The following KIF26B variants were observed in gnomAD, a reference collection of about 807,000 sequenced individuals.
The protein encoded by KIF26B is kinesin family member 26B.
KIF26B carries 63 observed loss-of-function variants against 151.2 expected under a neutral mutation model. The observed-to-expected ratio is 0.42, with a 90% CI of 0.34 to 0.51. The LOEUF (loss-of-function observed/expected upper bound fraction) is 0.51. Among genes scored for constraint, KIF26B ranks in the 20% least tolerant of loss-of-function variants. The pLI, the probability that KIF26B is intolerant of heterozygous loss-of-function variation, is 0.07. For synonymous variants in KIF26B, 1,357 were observed against 1,262.1 expected, an observed-to-expected ratio of 1.08 and a Z score of -1.59; for missense variants, 2,813 against 2,913.6, an observed-to-expected ratio of 0.97 and a Z score of 0.79.
At chr1:245,655,657 A>T (rs933294635) in intron 10 of KIF26B, among the ~76,000 whole-genome samples, 2 of 152,226 alleles carry the variant, frequency 1.3e-5, no homozygotes, top group Non-Finnish European at 2.9e-5. Flanking sequence ...CTGCACCCCC[A>T]GTTGTATCTG....
intron 5 of KIF26B, among the ~76,000 whole-genome samples, chr1:245,550,305 G>A (rs1266849784): frequency 6.6e-6 from 1 of 152,188 alleles, no homozygotes; most frequent in Admixed American, 6.5e-5. Context: ...CGCTGAAATC[G>A]GTGATGGTAA....
At chr1:245,598,053 C>T (rs1312380923) in intron 5 of KIF26B, among the ~76,000 whole-genome samples, 2 of 152,080 alleles carry the variant, frequency 1.3e-5, no homozygotes, top group African/African-American at 2.4e-5. Context: ...AGGTTCTTAG[C>T]TTCCTTGTAT....
chr1:245,283,304 G>A (rs377104317), intron 2 of KIF26B, among the ~76,000 whole-genome samples: 8 of 147,656 alleles, frequency 5.4e-5, no homozygotes, highest in African/African-American at 1.8e-4. Flanking sequence ...CCCAATCCGC[G>A]CAAGCCCAAC....
chr1:245,340,706 G>A lies in KIF26B; in HGVS notation c.466-26128G>A, dbSNP rs1426198704. Among the ~76,000 whole-genome samples the A allele has an allele frequency of 2.6e-5, 4 of 152,186 alleles. No individual in the cohort carries two copies. In the East Asian group the frequency reaches 7.7e-4, roughly 29 times the overall value. On this transcript the variant is annotated intron_variant, in intron 2 of 14. Transcript: ENST00000407071. ...CGGGTTTATATTCCAATGAAGATAA[G>A]AGGCATTCAACAACTCTTTATCTAA...
At chr1:245,226,466 T>G (rs905254392) in intron 2 of KIF26B, among the ~76,000 whole-genome samples, 2 of 152,026 alleles carry the variant, frequency 1.3e-5, no homozygotes, top group African/African-American at 4.8e-5. Context: ...CTCTTTTTTT[T>G]TTTGTTTTTT....
intron 10 of KIF26B, among the ~76,000 whole-genome samples, chr1:245,675,780 T>A (rs976572792): frequency 3.9e-5 from 6 of 152,214 alleles, no homozygotes; most frequent in South Asian, 2.1e-4. Flanking sequence ...GGTAACATGA[T>A]AGAAGCACAT....
At chr1:245,621,535 A>C (rs1228719738) in intron 9 of KIF26B, among the ~76,000 whole-genome samples, 1 of 152,194 alleles carries the variant, frequency 6.6e-6, no homozygotes, top group Non-Finnish European at 1.5e-5. Context: ...CTAGACTTAA[A>C]ATATTGCATA....
At chr1:245,380,181 T>C (rs1025882069) in intron 3 of KIF26B, among the ~76,000 whole-genome samples, 17 of 152,172 alleles carry the variant, frequency 1.1e-4, no homozygotes, top group African/African-American at 4.1e-4. Flanking sequence ...AGAAGCATAT[T>C]AGTCACTAAT....
chr1:245,643,919 G>T (rs570303100), intron 9 of KIF26B, among the ~76,000 whole-genome samples: 3 of 152,134 alleles, frequency 2.0e-5, no homozygotes, highest in African/African-American at 7.2e-5. Context: ...CTCTTTTCAA[G>T]ATTTTTCTTT....
At chr1:245,308,477 C>T (rs1053764798) in intron 2 of KIF26B, among the ~76,000 whole-genome samples, 1 of 152,154 alleles carries the variant, frequency 6.6e-6, no homozygotes, top group Non-Finnish European at 1.5e-5. Flanking sequence ...TGCATGGATA[C>T]CTGCCTTGCT....
Position 245,226,342 on chromosome 1 carries a change from C to T in KIF26B, c.465+69659C>T, listed in dbSNP as rs922902271. Reference sequence around the variant, plus strand: ...CTGTGCATTGTCTTATTCCCTTGTCCCAGCAGAGACTGAACGCTAAGTCTT... The same window carrying T: ...CTGTGCATTGTCTTATTCCCTTGTCTCAGCAGAGACTGAACGCTAAGTCTT... On this transcript the variant is annotated intron_variant, in intron 2 of 14. Transcript: ENST00000407071. Among the ~76,000 whole-genome samples, 5 of 152,276 alleles carry T rather than the reference C, an allele frequency of 3.3e-5. No homozygotes were observed. The South Asian group carries it at 1.0e-3, about 32-fold the overall frequency.
At chr1:245,255,236 A>G (rs1443568383) in intron 2 of KIF26B, among the ~76,000 whole-genome samples, 1 of 152,190 alleles carries the variant, frequency 6.6e-6, no homozygotes, top group African/African-American at 2.4e-5. Flanking sequence ...CTGCAAAGAA[A>G]TGAGTTTTTG....
chr1:245,228,870 C>T (rs900730588), intron 2 of KIF26B, among the ~76,000 whole-genome samples: 1 of 152,088 alleles, frequency 6.6e-6, no homozygotes. Context: ...CTCCAATCAC[C>T]GCATGATACT....
intron 4 of KIF26B, among the ~76,000 whole-genome samples, chr1:245,503,212 G>A (rs1378066530): frequency 2.0e-5 from 3 of 152,054 alleles, no homozygotes; most frequent in African/African-American, 7.2e-5. Context: ...TCTTTTAAAA[G>A]TTACATCTAG....
At position 245,155,285 on chromosome 1, in the gene KIF26B, C is replaced by T. The variant is rs1160186003; in HGVS notation, c.-140C>T. On this transcript the variant is annotated 5_prime_UTR_variant, in exon 1 of 15. Transcript: ENST00000407071. Reference sequence around the variant, plus strand: ...TGTGGGATCCATTTGCTTTCATTCCCTCCCACCCCACCGCTGAAGAAACCT... The same window carrying T: ...TGTGGGATCCATTTGCTTTCATTCCTTCCCACCCCACCGCTGAAGAAACCT... 5 of 697,380 alleles carry T rather than the reference C, an allele frequency of 7.2e-6. No homozygotes were observed. The Admixed American group carries it at 8.2e-5, about 11-fold the overall frequency. 43.2% of individuals were successfully genotyped at this position (697,380 alleles called of 1,614,324 possible). A position where few individuals can be genotyped will look rare whatever the true frequency, so the allele number is the denominator to read the frequency against.
chr1:245,313,173 C>T (rs1671697215), intron 2 of KIF26B, among the ~76,000 whole-genome samples: 2 of 152,006 alleles, frequency 1.3e-5, no homozygotes, highest in South Asian at 4.1e-4. Flanking sequence ...AACAAACAAA[C>T]AAACAAACAA....
Position 245,431,217 on chromosome 1 carries a change from C to T in KIF26B, c.1166+11472C>T, listed in dbSNP as rs565920098. Among the ~76,000 whole-genome samples the T allele has an allele frequency of 4.1e-4, 63 of 152,328 alleles. 1 individual carries two copies. In the South Asian group the frequency reaches 0.012, roughly 28 times the overall value. On this transcript the variant is annotated intron_variant, in intron 4 of 14. Transcript: ENST00000407071. ...TTTTTGAGACAGAGTCTCGCTCCGT[C>T]GCCCAGGCTGGAGTGCAGTGGTGCG...
chr1:245,436,234 T>C (rs1658929283), intron 4 of KIF26B, among the ~76,000 whole-genome samples: 1 of 152,164 alleles, frequency 6.6e-6, no homozygotes, highest in Non-Finnish European at 1.5e-5. Flanking sequence ...CTATTTTCTT[T>C]GTACACTGAA....
intron 10 of KIF26B, among the ~76,000 whole-genome samples, chr1:245,646,695 A>G (rs1256362774): frequency 6.6e-6 from 1 of 152,168 alleles, no homozygotes; most frequent in East Asian, 1.9e-4. Context: ...AGGCAAATTC[A>G]AATTTCAGAT....
Sources: gnomAD v4.1 joint callset for allele counts (sites outside exome capture counted in the v4.1 genomes callset) on GRCh38, gnomAD v4.1.1 for gene constraint, MANE v1.5 for transcripts, NCBI Gene and HGNC (gene_info 2026-07-23, HGNC 2026-07-21) for gene names.